AKAP19: variants seen among roughly 807,000 people sequenced by gnomAD.
AKAP19 encodes A-kinase anchoring protein 19.
At chr2:189,965,010 C>T in the AKAP19 span, among the ~76,000 whole-genome samples, 1 of 152,166 alleles carries the variant, frequency 6.6e-6, no homozygotes, top group African/African-American at 2.4e-5. Flanking sequence ...TTTAGACCTG[C>T]CTTGTTTACT....
chr2:189,996,075 T>C, the AKAP19 span, among the ~76,000 whole-genome samples: 3 of 152,216 alleles, frequency 2.0e-5, 1 homozygote, highest in Non-Finnish European at 4.4e-5. Context: ...TATGTGCCTA[T>C]GTAATGATCT....
the AKAP19 span, among the ~76,000 whole-genome samples, chr2:190,023,997 G>A: frequency 2.6e-5 from 4 of 151,820 alleles, no homozygotes; most frequent in East Asian, 5.8e-4. Context: ...TAATTTTTTT[G>A]TACCTATAAA....
the AKAP19 span, among the ~76,000 whole-genome samples, chr2:190,093,411 C>A: frequency 1.3e-5 from 2 of 149,446 alleles, no homozygotes; most frequent in Non-Finnish European, 3.0e-5. Flanking sequence ...CCAGCCTGGG[C>A]GACAGAGCAA....
At chr2:189,964,366 T>C in the AKAP19 span, among the ~76,000 whole-genome samples, 2 of 152,222 alleles carry the variant, frequency 1.3e-5, no homozygotes. Context: ...AGCATAATTC[T>C]TACAGGCCCT....
At chr2:189,907,060 T>G in the AKAP19 span, among the ~76,000 whole-genome samples, 2 of 152,172 alleles carry the variant, frequency 1.3e-5, no homozygotes, top group East Asian at 3.8e-4. Context: ...ATTGACCCCT[T>G]AATTCCACTT....
At chr2:190,011,606 A>G in the AKAP19 span, among the ~76,000 whole-genome samples, 2 of 152,156 alleles carry the variant, frequency 1.3e-5, no homozygotes, top group Admixed American at 6.5e-5. Flanking sequence ...AAGTTTTTAA[A>G]ATACAGTGTG....
chr2:190,166,758 T>A, the AKAP19 span, among the ~76,000 whole-genome samples: 561 of 152,306 alleles, frequency 3.7e-3, 5 homozygotes, highest in African/African-American at 0.013. Context: ...TGGGACTTCC[T>A]TGATCTGATT....
chr2:190,038,436 G>A, the AKAP19 span, among the ~76,000 whole-genome samples: 1 of 152,014 alleles, frequency 6.6e-6, no homozygotes. Context: ...AATCACTCTG[G>A]CACCATATTA....
chr2:189,887,499 A>G, the AKAP19 span, among the ~76,000 whole-genome samples: 2 of 152,206 alleles, frequency 1.3e-5, no homozygotes, highest in African/African-American at 2.4e-5. Flanking sequence ...ACCCAAAGTA[A>G]TGGAATTGCT....
chr2:190,024,384 A>ATC, the AKAP19 span, among the ~76,000 whole-genome samples: 1 of 150,624 alleles, frequency 6.6e-6, no homozygotes, highest in Non-Finnish European at 1.5e-5. Context: ...GTGTGTGTAT[A>ATC]TATATATATA....
the AKAP19 span, among the ~76,000 whole-genome samples, chr2:189,971,174 T>C: frequency 6.6e-6 from 1 of 152,220 alleles, no homozygotes; most frequent in East Asian, 1.9e-4. Context: ...TGATGTTCCC[T>C]GCCCTGTATC....
chr2:190,055,783 C>T, the AKAP19 span: 1 of 151,984 alleles, frequency 6.6e-6, no homozygotes, highest in Non-Finnish European at 1.5e-5. Flanking sequence ...TTCATTTAGT[C>T]ATAGTACAAT....
At chr2:190,197,866 G>C in the AKAP19 span, among the ~76,000 whole-genome samples, 2 of 151,932 alleles carry the variant, frequency 1.3e-5, no homozygotes, top group Non-Finnish European at 2.9e-5. This position sits in a 1 kb window ranked among gnomAD's most constrained non-coding sequence, Gnocchi z 4.0. Flanking sequence ...TGGTTCCACT[G>C]ATGGTTCCAC....
the AKAP19 span, among the ~76,000 whole-genome samples, chr2:189,883,344 C>T: frequency 2.0e-5 from 3 of 152,156 alleles, no homozygotes; most frequent in Non-Finnish European, 4.4e-5. Flanking sequence ...TTCTTACTGA[C>T]TTCTACTAAA....
chr2:190,011,050 CTTTTTT>C, the AKAP19 span, among the ~76,000 whole-genome samples: 2 of 59,576 alleles, frequency 3.4e-5, no homozygotes, highest in East Asian at 1.1e-3. Flanking sequence ...CTCTCTCTCT[CTTTTTT>C]TTTTTTTTTT....
the AKAP19 span, among the ~76,000 whole-genome samples, chr2:190,115,678 C>G: frequency 6.6e-6 from 1 of 152,210 alleles, no homozygotes; most frequent in South Asian, 2.1e-4. Flanking sequence ...CAAGGGTCTA[C>G]TTCTCCCTTG....
the AKAP19 span, among the ~76,000 whole-genome samples, chr2:189,990,328 C>T: frequency 3.3e-5 from 5 of 152,098 alleles, no homozygotes; most frequent in African/African-American, 1.2e-4. Context: ...TGCTCCTATT[C>T]TTTATTCCAA....
the AKAP19 span, among the ~76,000 whole-genome samples, chr2:190,065,543 G>T: frequency 1.3e-5 from 2 of 152,276 alleles, no homozygotes; most frequent in Admixed American, 1.3e-4. Flanking sequence ...GCATCATTCA[G>T]GCCTGAGTTA....
chr2:190,041,086 G>A, the AKAP19 span, among the ~76,000 whole-genome samples: 1,603 of 152,270 alleles, frequency 0.011, 34 homozygotes, highest in Admixed American at 0.037. Context: ...GATGGAAGTA[G>A]CATTGAATTT....
Sources: allele counts gnomAD v4.1 joint callset (sites outside exome capture counted in the v4.1 genomes callset), GRCh38; gene constraint gnomAD v4.1.1; non-coding constraint Gnocchi (gnomAD v3.1); transcripts MANE v1.5; gene names NCBI Gene and HGNC (gene_info 2026-07-23, HGNC 2026-07-21).